PIP5K1B: variants seen among roughly 807,000 people sequenced by gnomAD.
PIP5K1B encodes phosphatidylinositol 4-phosphate 5-kinase type-1 beta.
A neutral mutation model predicts 67.0 loss-of-function variants in PIP5K1B; 42 were observed. That is an observed-to-expected ratio of 0.63 (90% CI 0.49 to 0.81). The LOEUF is 0.81. Ranked by LOEUF, PIP5K1B falls within the 30% of genes least tolerant of loss-of-function variation. PIP5K1B has a pLI of 0.00. For synonymous variants in PIP5K1B, 214 were observed against 231.4 expected (o/e 0.92, Z 0.68); for missense variants, 459 against 646.3 (o/e 0.71, Z 3.14).
chr9:68,967,962 G>A (rs1337447362), intron 14 of PIP5K1B, among the ~76,000 whole-genome samples: 1 of 151,892 alleles, frequency 6.6e-6, no homozygotes, highest in Non-Finnish European at 1.5e-5. Context: ...AAAACCCAGT[G>A]AGCTGCTCTT....
At chr9:68,974,008 G>C (rs1035343073) in intron 14 of PIP5K1B, among the ~76,000 whole-genome samples, 1 of 152,164 alleles carries the variant, frequency 6.6e-6, no homozygotes, top group Admixed American at 6.5e-5. Flanking sequence ...TTCCCAAGTA[G>C]CTGGAACTAC....
chr9:68,871,973 G>T (rs1051661042), intron 5 of PIP5K1B, among the ~76,000 whole-genome samples: 1 of 151,452 alleles, frequency 6.6e-6, no homozygotes, highest in African/African-American at 2.4e-5. Flanking sequence ...CTTAAACTGT[G>T]AGGAGTTCTA....
chr9:68,708,214 T>A (rs766673793), intron 1 of PIP5K1B: 1 of 152,248 alleles, frequency 6.6e-6, no homozygotes, highest in African/African-American at 2.4e-5. Context: ...CAGGGCTTAC[T>A]TGAATATTCT....
At chr9:68,890,227 T>C (rs910273444) in intron 7 of PIP5K1B, among the ~76,000 whole-genome samples, 2 of 152,250 alleles carry the variant, frequency 1.3e-5, no homozygotes, top group Non-Finnish European at 2.9e-5. Context: ...TTTCATGTAA[T>C]ATTTTAGAGA....
chr9:68,992,404 A>C, intron 15 of PIP5K1B, among the ~76,000 whole-genome samples: 1 of 152,294 alleles, frequency 6.6e-6, no homozygotes, highest in South Asian at 2.1e-4. Flanking sequence ...CGAGTGATGC[A>C]TGTCTCACAG....
intron 2 of PIP5K1B, among the ~76,000 whole-genome samples, chr9:68,748,288 C>A (rs183625454): frequency 6.6e-6 from 1 of 152,300 alleles, no homozygotes; most frequent in Non-Finnish European, 1.5e-5. Flanking sequence ...ATGGAAACTC[C>A]AGCCCCACAG....
In PIP5K1B at chr9:68,742,648, G is replaced by C. The variant is rs907340199; in HGVS notation, c.-95G>C. On this transcript the variant is annotated 5_prime_UTR_variant, in exon 2 of 16. Transcript: ENST00000265382. Reference sequence around the variant, plus strand: ...CATCTCTAAAGGTCCTTCTAGGAGAGAGGTGAAAGGTAATTCTTTTGAAAA... The same window carrying C: ...CATCTCTAAAGGTCCTTCTAGGAGACAGGTGAAAGGTAATTCTTTTGAAAA... 6.6e-6 allele frequency: 1 copy of C among 152,192 alleles called. No homozygotes were observed. The highest frequency in any genetic ancestry group is 2.4e-5 in the African/African-American group (1 of 41,430). 9.4% of individuals were successfully genotyped at this position (152,192 alleles called of 1,614,324 possible). A position where few individuals can be genotyped will look rare whatever the true frequency, so the allele number is the denominator to read the frequency against.
chr9:68,896,428 G>A (rs1825089300), intron 8 of PIP5K1B, among the ~76,000 whole-genome samples: 1 of 151,392 alleles, frequency 6.6e-6, no homozygotes, highest in African/African-American at 2.4e-5. Context: ...GCTCAGGACT[G>A]AGACCGCGAG....
At chr9:68,730,825 A>C (rs1301670723) in intron 1 of PIP5K1B, among the ~76,000 whole-genome samples, 2 of 152,220 alleles carry the variant, frequency 1.3e-5, no homozygotes, top group Non-Finnish European at 2.9e-5. Context: ...TACAAATTCA[A>C]ATCGACTAGG....
At chr9:68,753,670 G>T (rs1301120172) in intron 2 of PIP5K1B, among the ~76,000 whole-genome samples, 3 of 151,846 alleles carry the variant, frequency 2.0e-5, no homozygotes, top group Non-Finnish European at 1.5e-5. Context: ...GACTCCAGGC[G>T]CCAGCCACCA....
At chr9:68,871,281 G>A (rs1196249602) in intron 5 of PIP5K1B, among the ~76,000 whole-genome samples, 1 of 152,194 alleles carries the variant, frequency 6.6e-6, no homozygotes, top group East Asian at 1.9e-4. Context: ...GGAACGTCAA[G>A]TCTAAGTTAA....
intron 15 of PIP5K1B, among the ~76,000 whole-genome samples, chr9:68,998,306 C>T (rs148174017): frequency 5.9e-5 from 9 of 152,294 alleles, no homozygotes; most frequent in African/African-American, 1.4e-4. Flanking sequence ...CCGCCCACCT[C>T]GGCCTCCCAA....
chr9:68,852,239 GA>G (rs1564183966), intron 4 of PIP5K1B, among the ~76,000 whole-genome samples: 1 of 151,870 alleles, frequency 6.6e-6, no homozygotes, highest in Non-Finnish European at 1.5e-5. Flanking sequence ...TTTTAAAAAA[GA>G]AAAAAAGAAA....
At chr9:68,955,525 CAAG>C (rs1389306411) in intron 14 of PIP5K1B, among the ~76,000 whole-genome samples, 1 of 152,178 alleles carries the variant, frequency 6.6e-6, no homozygotes, top group Non-Finnish European at 1.5e-5. Context: ...TCTTAATAAA[CAAG>C]GGACTCCCAC....
At chr9:68,747,460 C>G (rs1026459733) in intron 2 of PIP5K1B, among the ~76,000 whole-genome samples, 1 of 151,786 alleles carries the variant, frequency 6.6e-6, no homozygotes, top group Non-Finnish European at 1.5e-5. Flanking sequence ...TCATTATTTA[C>G]ACTAATAATA....
chr9:68,732,194 T>G (rs1366804679), intron 1 of PIP5K1B, among the ~76,000 whole-genome samples: 3 of 152,242 alleles, frequency 2.0e-5, no homozygotes, highest in East Asian at 1.9e-4. Flanking sequence ...CCTTTCAAGG[T>G]GTAGTTTCAG....
chr9:68,818,051 C>T (rs1005038022), intron 2 of PIP5K1B, among the ~76,000 whole-genome samples: 1 of 152,224 alleles, frequency 6.6e-6, no homozygotes, highest in Non-Finnish European at 1.5e-5. Flanking sequence ...CCACATGTCA[C>T]ATGGTGTCAC....
In PIP5K1B at chr9:68,883,849, CA is replaced by C. The variant is rs762085490; in HGVS notation, c.319-5131del. ...AAACACACACACACACACACACACA[CA>C]CCCTATAGTCAATAGACTTTTGACA... is the stretch of plus-strand genomic sequence containing the variant. On this transcript the variant is annotated intron_variant, in intron 6 of 15. Coordinates refer to ENST00000265382, the MANE Select transcript of PIP5K1B (RefSeq NM_003558.4). 3.5e-3 allele frequency among the ~76,000 whole-genome samples: 527 copies of C among 152,204 alleles called. 6 individuals carry two copies. Among genetic ancestry groups the C allele is most frequent in the African/African-American group, 7.5e-3 (311 of 41,538 alleles).
chr9:68,796,081 T>C (rs1172384285), intron 2 of PIP5K1B, among the ~76,000 whole-genome samples: 2 of 152,240 alleles, frequency 1.3e-5, no homozygotes, highest in African/African-American at 4.8e-5. Flanking sequence ...ATGTATATTG[T>C]TCCAGGCTTT....
Sources: allele counts gnomAD v4.1 joint callset (sites outside exome capture counted in the v4.1 genomes callset), GRCh38; gene constraint gnomAD v4.1.1; transcripts MANE v1.5; gene names NCBI Gene and HGNC (gene_info 2026-07-23, HGNC 2026-07-21).